The following ZNF28 variants were observed in gnomAD, a reference collection of about 807,000 sequenced individuals.
The protein encoded by ZNF28 is zinc finger protein KOX24.
In ZNF28, 5 loss-of-function variants were observed where a neutral mutation model predicts 7.2. The observed-to-expected ratio is 0.70, with a 90% CI of 0.36 to 1.46. The LOEUF (loss-of-function observed/expected upper bound fraction) is 1.46. Among genes scored for constraint, ZNF28 ranks in the 40% most tolerant of loss-of-function variants. ZNF28 has a pLI of 0.03. For missense variants in ZNF28, 879 were observed against 866.6 expected (o/e 1.01, Z -0.18); for synonymous variants, 288 against 292.4 (o/e 0.99, Z 0.15).
intron 3 of ZNF28, among the ~76,000 whole-genome samples, chr19:52,807,558 T>C (rs1409699013): frequency 2.0e-5 from 3 of 152,174 alleles, no homozygotes; most frequent in Admixed American, 1.3e-4. Flanking sequence ...AATGCAAAAC[T>C]TGGCCTCCTG....
chr19:52,814,284 A>C (rs2063094482), intron 2 of ZNF28: 1 of 146,182 alleles, frequency 6.8e-6, no homozygotes, highest in African/African-American at 2.7e-5. Flanking sequence ...AAATATAACC[A>C]TATATATTTA....
chr19:52,810,354 C>G, intron 2 of ZNF28: 1 of 1,604,542 alleles, frequency 6.2e-7, no homozygotes, highest in Non-Finnish European at 8.5e-7. Context: ...AGCAGAAGAG[C>G]TGGAAGCTCA....
intron 2 of ZNF28, among the ~76,000 whole-genome samples, chr19:52,814,715 T>A (rs1747828200): frequency 6.8e-6 from 1 of 146,072 alleles, no homozygotes; most frequent in African/African-American, 2.7e-5. Flanking sequence ...TGAAACCCCA[T>A]CACTACTGAA....
At position 52,800,897 on chromosome 19, in the gene ZNF28, T is replaced by A; in HGVS notation, c.948A>T (p.Thr316=). Residue 316 remains threonine, a synonymous_variant, in exon 4 of 4, where the codon ACA becomes ACT. Coordinates refer to ENST00000457749, the MANE Select transcript of ZNF28 (RefSeq NM_006969.5). The part of the protein sequence containing the change: ...KVFSRKSHLE[T]HKIIYTGGKP... ...TCCCTCCAGTATAAATTATCTTATG[T>A]GTTTCAAGGTGTGATTTGCGACTGA... 1.2e-6 allele frequency: 2 copies of A among 1,614,062 alleles called. No individual in the cohort carries two copies. The highest frequency in any genetic ancestry group is 1.7e-6 in the Non-Finnish European group (2 of 1,179,954).
In ZNF28 at chr19:52,801,528, G is replaced by A; in HGVS notation, c.317C>T (p.Thr106Ile). The change falls in exon 4 of 4, where the codon ACA becomes ATA. Residue 106 changes from threonine to isoleucine, a missense_variant. By Grantham distance (89) the Thr-to-Ile change is moderately conservative. Around this residue, in one of 2 missense-constraint regions of ZNF28, gnomAD observed 864 missense variants for 830.2 expected, o/e 1.04. Coordinates refer to ENST00000457749, the MANE Select transcript of ZNF28 (RefSeq NM_006969.5). ...GFQFQWKEDE[T>I]NDHAAPMTEI... Reference sequence around the variant, plus strand: ...TGTCATGGGTGCTGCATGGTCATTTGTTTCATCTTCTTTCCACTGAAACTG... The same window carrying A: ...TGTCATGGGTGCTGCATGGTCATTTATTTCATCTTCTTTCCACTGAAACTG... 1 of 1,614,060 alleles carries A rather than the reference G, an allele frequency of 6.2e-7. No individual in the cohort carries two copies. Among genetic ancestry groups the A allele is most frequent in the East Asian group, 2.2e-5 (1 of 44,874 alleles).
At position 52,798,975 on chromosome 19, in the gene ZNF28, G is replaced by C. The variant is rs1266593019; in HGVS notation, c.*713C>G. On this transcript the variant is annotated 3_prime_UTR_variant, in exon 4 of 4. Coordinates refer to ENST00000457749, the MANE Select transcript of ZNF28 (RefSeq NM_006969.5). Reference sequence around the variant, plus strand: ...GTGTGAATTCTAGTATGGTGTGCCAGGTGTGAATCACTCCCAAAAGCCTTG... The same window carrying C: ...GTGTGAATTCTAGTATGGTGTGCCACGTGTGAATCACTCCCAAAAGCCTTG... The C allele has an allele frequency of 4.6e-5, 54 of 1,186,458 alleles. No homozygotes were observed. Among genetic ancestry groups the C allele is most frequent in the Non-Finnish European group, 5.7e-5 (49 of 855,626 alleles). 73.5% of individuals were successfully genotyped at this position (1,186,458 alleles called of 1,614,324 possible). A position where few individuals can be genotyped will look rare whatever the true frequency, so the allele number is the denominator to read the frequency against.
chr19:52,802,904 GCA>G, intron 3 of ZNF28, among the ~76,000 whole-genome samples: 1 of 149,868 alleles, frequency 6.7e-6, no homozygotes, highest in East Asian at 2.0e-4. Flanking sequence ...TGGACTACAG[GCA>G]CACACCGCCA....
rs576426208 is a variant in ZNF28, at chr19:52,815,803, C to G, written c.15+2141G>C. On this transcript the variant is annotated intron_variant, in intron 2 of 3. Transcript: ENST00000457749. ...TTGCACCACTGCACTCCAGCCTGGGCGACAGAGCGAGGCTCCATCTCAAAA... is the reference window on the plus strand; with the variant it reads ...TTGCACCACTGCACTCCAGCCTGGGGGACAGAGCGAGGCTCCATCTCAAAA... Among the ~76,000 whole-genome samples, 3 of 145,738 alleles carry G rather than the reference C, an allele frequency of 2.1e-5. No individual in the cohort carries two copies. In the Admixed American group the frequency reaches 2.1e-4, roughly 10 times the overall value.
intron 1 of ZNF28, 103 bp from the exon 2 acceptor site, chr19:52,818,134 C>G: frequency 8.2e-7 from 1 of 1,216,086 alleles, no homozygotes; most frequent in Non-Finnish European, 1.1e-6. Context: ...GAAATATGGT[C>G]CCCTATGCTG....
intron 1 of ZNF28, among the ~76,000 whole-genome samples, 180 bp from the exon 2 acceptor site, chr19:52,818,211 C>A (rs988184314): frequency 2.0e-5 from 3 of 152,202 alleles, no homozygotes; most frequent in Non-Finnish European, 2.9e-5. Flanking sequence ...GAAGCCCACA[C>A]ACACGCTGCA....
chr19:52,800,410 T>C lies in ZNF28; in HGVS notation c.1435A>G (p.Lys479Glu). 1 of 1,614,120 alleles carries C rather than the reference T, an allele frequency of 6.2e-7. No individual in the cohort carries two copies. Among genetic ancestry groups the C allele is most frequent in the East Asian group, 2.2e-5 (1 of 44,882 alleles). ...CTCCTATGTCTTTCAAGGTGTGATT[T>C]GCACCTGAAAACTTTGTCACATTCT... is the stretch of plus-strand genomic sequence containing the variant. Reference protein sequence around the residue: ...CEECDKVFRCKSHLERHRRIH... With the variant: ...CEECDKVFRCESHLERHRRIH... The change falls in exon 4 of 4, where the codon AAA (lysine) becomes GAA (glutamate). Residue 479 changes from lysine to glutamate, a missense_variant. This residue lies in a region of ZNF28 where 864 missense variants were observed against 830.2 expected (regional missense o/e 1.04). Coordinates refer to ENST00000457749, the MANE Select transcript of ZNF28 (RefSeq NM_006969.5).
intron 1 of ZNF28, among the ~76,000 whole-genome samples, chr19:52,820,252 G>C (rs2063178659): frequency 7.3e-6 from 1 of 137,664 alleles, no homozygotes; most frequent in African/African-American, 3.0e-5. Flanking sequence ...CGAGTAGCTG[G>C]GACTACAGGC....
chr19:52,808,182 C>A, intron 2 of ZNF28, 49 bp from the exon 3 acceptor site: 1 of 1,603,344 alleles, frequency 6.2e-7, no homozygotes, highest in East Asian at 2.2e-5. Context: ...GAGTTCTTAT[C>A]TTTACAGAAA....
Position 52,800,767 on chromosome 19 carries a change from A to G in ZNF28, c.1078T>C (p.Cys360Arg). The part of the protein sequence containing the change: ...TGEKPYKCNE[C>R]GKVFNRLSTL... ...GACAGTCGATTAAAAACCTTGCCACATTCATTACACTTGTAAGGTTTCTCT... is the reference window on the plus strand; with the variant it reads ...GACAGTCGATTAAAAACCTTGCCACGTTCATTACACTTGTAAGGTTTCTCT... The change falls in exon 4 of 4, where the codon TGT becomes CGT. Residue 360 changes from cysteine to arginine, a missense_variant. Physicochemically the swap from Cys to Arg is radical, Grantham distance 180 (BLOSUM62 -3). Coordinates refer to ENST00000457749, the MANE Select transcript of ZNF28 (RefSeq NM_006969.5). 1.9e-6 allele frequency: 3 copies of G among 1,614,124 alleles called. No individual in the cohort carries two copies. Among genetic ancestry groups the G allele is most frequent in the Non-Finnish European group, 2.5e-6 (3 of 1,180,016 alleles).
intron 2 of ZNF28, among the ~76,000 whole-genome samples, chr19:52,811,898 G>A (rs2063050680): frequency 8.2e-6 from 1 of 121,904 alleles, no homozygotes; most frequent in Non-Finnish European, 1.7e-5. Flanking sequence ...GGGGGGGACA[G>A]CCCCCCGCCC....
At chr19:52,811,502 G>A (rs1327527588) in intron 2 of ZNF28, among the ~76,000 whole-genome samples, 21 of 149,116 alleles carry the variant, frequency 1.4e-4, no homozygotes, top group African/African-American at 4.8e-4. Context: ...TCTCTGCCCG[G>A]CCGCCCATCG....
chr19:52,821,303 A>C (rs148068699), intron 1 of ZNF28, among the ~76,000 whole-genome samples: 3,467 of 152,212 alleles, frequency 0.023, 135 homozygotes, highest in African/African-American at 0.079. Flanking sequence ...CTTTAAAAAG[A>C]GCCGTGCGGA....
At chr19:52,808,348 G>T (rs2062964422) in intron 2 of ZNF28, among the ~76,000 whole-genome samples, 2 of 152,222 alleles carry the variant, frequency 1.3e-5, no homozygotes, top group South Asian at 2.1e-4. Flanking sequence ...AAAAATTCAA[G>T]AAATAAATAA....
chr19:52,818,353 G>C (rs1032247040), intron 1 of ZNF28, among the ~76,000 whole-genome samples: 3 of 152,162 alleles, frequency 2.0e-5, no homozygotes, highest in Non-Finnish European at 2.9e-5. Flanking sequence ...GAGGTGGAAG[G>C]ATCACTTGAG....
Sources: gnomAD v4.1 joint callset for allele counts (sites outside exome capture counted in the v4.1 genomes callset) on GRCh38, gnomAD v4.1.1 for gene constraint, gnomAD v4.1.1 regional missense constraint, MANE v1.5 for transcripts, NCBI Gene and HGNC (gene_info 2026-07-23, HGNC 2026-07-21) for gene names.